Variants in ARID3A observed in about 807,000 individuals in gnomAD.
ARID3A encodes AT-rich interactive domain-containing protein 3A.
ARID3A carries 11 observed loss-of-function variants against 52.7 expected under a neutral mutation model. The observed-to-expected ratio is 0.21, with a 90% CI of 0.13 to 0.35. The LOEUF (loss-of-function observed/expected upper bound fraction) is 0.35, where lower values mean the gene tolerates loss of function less well. ARID3A is among the 10% of genes least tolerant of loss of function. The pLI, the probability that ARID3A is intolerant of heterozygous loss-of-function variation, is 1.00. For missense variants in ARID3A, 721 were observed against 838.5 expected, an observed-to-expected ratio of 0.86 and a Z score of 1.73; for synonymous variants, 404 against 359.4, an observed-to-expected ratio of 1.12 and a Z score of -1.40.
At position 938,905 on chromosome 19, in the gene ARID3A, C is replaced by T. The variant is rs907041300; in HGVS notation, c.693+6163C>T. Among the ~76,000 whole-genome samples the T allele has an allele frequency of 1.3e-5, 2 of 150,104 alleles. No homozygotes were observed. The highest frequency in any genetic ancestry group is 3.0e-5 in the Non-Finnish European group (2 of 67,630). Reference sequence around the variant, plus strand: ...TTGTTTTTTTTAATTGTGGAAAATACACATAGATACATTATTTTATCTCTC... The same window carrying T: ...TTGTTTTTTTTAATTGTGGAAAATATACATAGATACATTATTTTATCTCTC... On this transcript the variant is annotated intron_variant, in intron 3 of 8. Coordinates refer to ENST00000263620, the MANE Select transcript of ARID3A (RefSeq NM_005224.3). The surrounding 1 kb of genome is among the most constrained non-coding windows in gnomAD (Gnocchi z 4.0).
rs1392662127 is a variant in ARID3A at position 959,329 on chromosome 19, A to T, written c.694-763A>T. Among the ~76,000 whole-genome samples the T allele has an allele frequency of 6.6e-6, 1 of 152,118 alleles. No homozygotes were observed. Among genetic ancestry groups the T allele is most frequent in the Non-Finnish European group, 1.5e-5 (1 of 68,008 alleles). On this transcript the variant is annotated intron_variant, in intron 3 of 8. Coordinates refer to ENST00000263620, the MANE Select transcript of ARID3A (RefSeq NM_005224.3). This position sits in a 1 kb window ranked among gnomAD's most constrained non-coding sequence, Gnocchi z 5.0. ...CGTTCTGTCGCCCAGGCTGGAGTGC[A>T]GTGGTGCGGTCTCGGCTCACTTCAG...
chr19:947,706 G>A lies in ARID3A; in HGVS notation c.694-12386G>A, dbSNP rs753425199. Among the ~76,000 whole-genome samples, 5 of 152,184 alleles carry A rather than the reference G, an allele frequency of 3.3e-5. No homozygotes were observed. The highest frequency in any genetic ancestry group is 2.1e-4 in the South Asian group (1 of 4,832). On this transcript the variant is annotated intron_variant, in intron 3 of 8. Transcript: ENST00000263620. This position sits in a 1 kb window ranked among gnomAD's most constrained non-coding sequence, Gnocchi z 6.3. ...AGCACCTTCACCACGCCAGCTTCCC[G>A]GGCCGCGCTTCATTGTCATTTCTGG...
intron 3 of ARID3A, among the ~76,000 whole-genome samples, chr19:948,871 G>A (rs1217475689): frequency 1.3e-5 from 2 of 151,940 alleles, no homozygotes; most frequent in Admixed American, 6.6e-5. Context: ...CACCACGCCC[G>A]GCTAATTTTT....
chr19:968,739 T>C (rs925573573), intron 8 of ARID3A: 1 of 441,150 alleles, frequency 2.3e-6, no homozygotes, highest in African/African-American at 2.0e-5. Flanking sequence ...AGTGTGACGT[T>C]GGATGGTTCA....
Position 929,436 on chromosome 19 carries a change from G to GCCCC in ARID3A, c.-91_-88dup. On this transcript the variant is annotated 5_prime_UTR_variant, in exon 2 of 9. Coordinates refer to ENST00000263620, the MANE Select transcript of ARID3A (RefSeq NM_005224.3). This position sits in a 1 kb window ranked among gnomAD's most constrained non-coding sequence, Gnocchi z 6.2. ...GGCCCCCACGCTGCAGTGCGGCCGG[G>GCCCC]CCCCCTCCCCGCAGGGGCCGCCCCC... The GCCCC allele has an allele frequency of 1.6e-6, 2 of 1,227,758 alleles. No individual in the cohort carries two copies. The highest frequency in any genetic ancestry group is 2.1e-6 in the Non-Finnish European group (2 of 964,926). The allele number at this position is 1,227,758 out of a possible 1,614,324, so 76.1% of individuals were successfully genotyped here. A position where few individuals can be genotyped will look rare whatever the true frequency, so the allele number is the denominator to read the frequency against.
At chr19:961,715 T>G (rs151142155) in intron 4 of ARID3A, 22 of 152,262 alleles carry the variant, frequency 1.4e-4, no homozygotes, top group African/African-American at 5.3e-4. Flanking sequence ...GGTCAGGAGT[T>G]CAAGACCAGC....
rs1034963151 is a variant in ARID3A at position 941,703 on chromosome 19, C to T, written c.693+8961C>T. ...CTGGGCTCAAGTGATCCTCCCGCCT[C>T]GGTCTCTGAAAGTGCTGGGATTACA... On this transcript the variant is annotated intron_variant, in intron 3 of 8. Coordinates refer to ENST00000263620, the MANE Select transcript of ARID3A (RefSeq NM_005224.3). The surrounding 1 kb of genome is among the most constrained non-coding windows in gnomAD (Gnocchi z 6.9). 6.6e-6 allele frequency among the ~76,000 whole-genome samples: 1 copy of T among 152,044 alleles called. No homozygotes were observed. The highest frequency in any genetic ancestry group is 2.4e-5 in the African/African-American group (1 of 41,376).
rs1277321840 is a variant in ARID3A at position 941,979 on chromosome 19, G to A, written c.693+9237G>A. 4.6e-5 allele frequency among the ~76,000 whole-genome samples: 7 copies of A among 152,170 alleles called. No homozygotes were observed. Among genetic ancestry groups the A allele is most frequent in the East Asian group, 1.9e-4 (1 of 5,190 alleles). ...GTGCTGGACCCTGAAGCATGAGGTC[G>A]CGGTGGGGCCTATTAACCATTAGAC... is the stretch of plus-strand genomic sequence containing the variant. On this transcript the variant is annotated intron_variant, in intron 3 of 8. Transcript: ENST00000263620. The surrounding 1 kb of genome is among the most constrained non-coding windows in gnomAD (Gnocchi z 6.9).
chr19:939,662 G>C (rs1265940636), intron 3 of ARID3A, among the ~76,000 whole-genome samples: 1 of 152,086 alleles, frequency 6.6e-6, no homozygotes, highest in Non-Finnish European at 1.5e-5. Flanking sequence ...GTTTATCTTG[G>C]GTGCGTTCGC....
At chr19:955,194 G>T (rs1223526965) in intron 3 of ARID3A, among the ~76,000 whole-genome samples, 1 of 152,186 alleles carries the variant, frequency 6.6e-6, no homozygotes, top group Non-Finnish European at 1.5e-5. Flanking sequence ...ACCGCCATGG[G>T]CAGCCTGGAC....
In ARID3A at chr19:972,124, A is replaced by G. The variant is rs549835384; in HGVS notation, c.*59A>G. 120 of 1,454,686 alleles carry G rather than the reference A, an allele frequency of 8.2e-5. No individual in the cohort carries two copies. Among genetic ancestry groups the G allele is most frequent in the Non-Finnish European group, 1.0e-4 (111 of 1,103,356 alleles). The allele number at this position is 1,454,686 out of a possible 1,614,324, so 90.1% of individuals were successfully genotyped here. A position where few individuals can be genotyped will look rare whatever the true frequency, so the allele number is the denominator to read the frequency against. ...GCCCGCCGGCCTGGGCAGGGGGTCC[A>G]GGTGGGCCACACAGGGGCCAGGATG... On this transcript the variant is annotated 3_prime_UTR_variant, in exon 9 of 9. Transcript: ENST00000263620.
intron 7 of ARID3A, among the ~76,000 whole-genome samples, chr19:967,445 G>T (rs2038183582): frequency 6.6e-6 from 1 of 152,146 alleles, no homozygotes; most frequent in African/African-American, 2.4e-5. Flanking sequence ...TGTAGCCCCA[G>T]CTACTCGGGA....
Position 959,483 on chromosome 19 carries a change from C to T in ARID3A, c.694-609C>T, listed in dbSNP as rs1450373597. Reference sequence around the variant, plus strand: ...GTAGAGATGGGGTCTCACTATGTTGCCCAGGCTGGTCTTGAATTCCCGGGC... The same window carrying T: ...GTAGAGATGGGGTCTCACTATGTTGTCCAGGCTGGTCTTGAATTCCCGGGC... On this transcript the variant is annotated intron_variant, in intron 3 of 8. Coordinates refer to ENST00000263620, the MANE Select transcript of ARID3A (RefSeq NM_005224.3). The surrounding 1 kb of genome is among the most constrained non-coding windows in gnomAD (Gnocchi z 5.0). Among the ~76,000 whole-genome samples, 4 of 152,254 alleles carry T rather than the reference C, an allele frequency of 2.6e-5. No homozygotes were observed. The highest frequency in any genetic ancestry group is 7.2e-5 in the African/African-American group (3 of 41,554).
At position 942,188 on chromosome 19, in the gene ARID3A, C is replaced by A. The variant is rs931610198; in HGVS notation, c.693+9446C>A. Among the ~76,000 whole-genome samples, 2 of 152,158 alleles carry A rather than the reference C, an allele frequency of 1.3e-5. No homozygotes were observed. The highest frequency in any genetic ancestry group is 4.8e-5 in the African/African-American group (2 of 41,456). ...GGGGTGCACCCCCACCCTCTCCGAC[C>A]CCGAGGAGCTGCCGGCAGAGCCCTG... On this transcript the variant is annotated intron_variant, in intron 3 of 8. Coordinates refer to ENST00000263620, the MANE Select transcript of ARID3A (RefSeq NM_005224.3). The surrounding 1 kb of genome is among the most constrained non-coding windows in gnomAD (Gnocchi z 8.1).
chr19:925,896 G>T (rs2037184970), upstream of ARID3A: 2 of 150,148 alleles, frequency 1.3e-5, no homozygotes, highest in Non-Finnish European at 3.0e-5. Context: ...CCGCGCCCGG[G>T]CCGCGGCGCT....
chr19:958,756 G>A (rs1399932695), intron 3 of ARID3A, among the ~76,000 whole-genome samples: 3 of 152,058 alleles, frequency 2.0e-5, no homozygotes, highest in Non-Finnish European at 2.9e-5. Context: ...ATCCGGGCGT[G>A]GTGGCGGGCG....
At chr19:951,460 G>A (rs1258455456) in intron 3 of ARID3A, among the ~76,000 whole-genome samples, 1 of 152,088 alleles carries the variant, frequency 6.6e-6, no homozygotes, top group Non-Finnish European at 1.5e-5. Context: ...GGGAGGCTGA[G>A]GTGGGAGGAT....
chr19:972,074 C>T lies in ARID3A; in HGVS notation c.*9C>T. ...ATAACTCGTTGCCTTAACCGCATCA[C>T]TCCCCACCCGCCACCCACCCTGGAG... On this transcript the variant is annotated 3_prime_UTR_variant, in exon 9 of 9. Coordinates refer to ENST00000263620, the MANE Select transcript of ARID3A (RefSeq NM_005224.3). 6.6e-7 allele frequency: 1 copy of T among 1,515,428 alleles called. No individual in the cohort carries two copies. The highest frequency in any genetic ancestry group is 1.2e-5 in the South Asian group (1 of 80,458). 93.9% of individuals were successfully genotyped at this position (1,515,428 alleles called of 1,614,324 possible). A position where few individuals can be genotyped will look rare whatever the true frequency, so the allele number is the denominator to read the frequency against.
intron 1 of ARID3A, among the ~76,000 whole-genome samples, chr19:927,190 G>A (rs1026905863): frequency 1.1e-4 from 16 of 152,120 alleles, no homozygotes; most frequent in African/African-American, 3.6e-4. Flanking sequence ...GGGGAGGAGG[G>A]TGTGGCCCAG....
Sources: gnomAD v4.1 joint callset for allele counts (sites outside exome capture counted in the v4.1 genomes callset) on GRCh38, gnomAD v4.1.1 for gene constraint, Gnocchi (gnomAD v3.1) non-coding constraint, MANE v1.5 for transcripts, NCBI Gene and HGNC (gene_info 2026-07-23, HGNC 2026-07-21) for gene names.